Variants in FZD3 observed in about 807,000 individuals in gnomAD.
FZD3 encodes the protein frizzled class receptor 3.
Under a neutral mutation model 60.7 loss-of-function variants are expected in FZD3, and 30 were observed. The observed-to-expected ratio is 0.49, with a 90% confidence interval of 0.37 to 0.67. FZD3 has a LOEUF of 0.67. Ranked by LOEUF, FZD3 falls within the 30% of genes least tolerant of loss-of-function variation. The probability of loss-of-function intolerance (pLI) is 0.00; values close to 1 mark genes in which losing one functional copy is unlikely to be tolerated. For missense variants in FZD3, 605 were observed against 838.7 expected (o/e 0.72, Z 3.44); for synonymous variants, 246 against 275.2 (o/e 0.89, Z 1.05).
intron 3 of FZD3, among the ~76,000 whole-genome samples, chr8:28,504,126 G>A (rs1031187551): frequency 2.0e-5 from 3 of 152,070 alleles, no homozygotes; most frequent in African/African-American, 4.8e-5. Flanking sequence ...TAATAAAACC[G>A]AAAAGTTCAT....
rs1462961089 is a variant in FZD3 at position 28,571,714 on chromosome 8, T to A, written c.*8703T>A. ...CTCATTGAAGTGTAAAAGTATCACA[T>A]ATATGAAGGAATGGCTGGTTTAGAC... On this transcript the variant is annotated 3_prime_UTR_variant, in exon 8 of 8. Transcript: ENST00000240093. 2.6e-5 allele frequency: 4 copies of A among 152,310 alleles called. No homozygotes were observed. Among genetic ancestry groups the A allele is most frequent in the South Asian group, 4.1e-4 (2 of 4,826 alleles). The allele number at this position is 152,310 out of a possible 1,614,324, so 9.4% of individuals were successfully genotyped here. A position where few individuals can be genotyped will look rare whatever the true frequency, so the allele number is the denominator to read the frequency against.
chr8:28,567,791 G>T lies in FZD3; in HGVS notation c.*4780G>T, dbSNP rs560066710. The T allele has an allele frequency of 6.6e-6, 1 of 152,132 alleles. No homozygotes were observed. Among genetic ancestry groups the T allele is most frequent in the East Asian group, 1.9e-4 (1 of 5,200 alleles). The allele number at this position is 152,132 out of a possible 1,614,324, so 9.4% of individuals were successfully genotyped here. A position where few individuals can be genotyped will look rare whatever the true frequency, so the allele number is the denominator to read the frequency against. On this transcript the variant is annotated 3_prime_UTR_variant, in exon 8 of 8. Transcript: ENST00000240093. ...TTTAATATGTGTTATACCAGAGTATGCCTCAAATTTTATGTAGTTGAATTT... is the reference window on the plus strand; with the variant it reads ...TTTAATATGTGTTATACCAGAGTATTCCTCAAATTTTATGTAGTTGAATTT...
intron 7 of FZD3, among the ~76,000 whole-genome samples, chr8:28,559,077 C>T (rs1305569424): frequency 1.3e-5 from 2 of 152,070 alleles, no homozygotes; most frequent in Admixed American, 6.6e-5. Context: ...AAAGGAGATA[C>T]GTAGGGTGAA....
intron 3 of FZD3, among the ~76,000 whole-genome samples, chr8:28,503,907 C>A (rs1197701450): frequency 1.3e-5 from 2 of 152,106 alleles, no homozygotes; most frequent in African/African-American, 4.8e-5. Context: ...TTAGAGACTT[C>A]AGTAAGGTAC....
intron 3 of FZD3, among the ~76,000 whole-genome samples, chr8:28,513,939 G>A (rs76117188): frequency 3.0e-3 from 463 of 152,292 alleles, no homozygotes; most frequent in African/African-American, 0.011. Flanking sequence ...TCAGCTAGCA[G>A]GTTCCTATGG....
chr8:28,561,671 T>C (rs1416040949), intron 7 of FZD3, among the ~76,000 whole-genome samples: 4 of 152,058 alleles, frequency 2.6e-5, no homozygotes, highest in Non-Finnish European at 5.9e-5. Flanking sequence ...AAGTTATAAA[T>C]TATACTAAGT....
intron 5 of FZD3, among the ~76,000 whole-genome samples, chr8:28,551,084 CTAGATAGA>C (rs755601425): frequency 6.6e-6 from 1 of 151,810 alleles, no homozygotes; most frequent in Non-Finnish European, 1.5e-5. Flanking sequence ...TATCATCTAT[CTAGATAGA>C]TAGATAGATA....
intron 3 of FZD3, among the ~76,000 whole-genome samples, chr8:28,510,047 C>T (rs539609708): frequency 6.6e-6 from 1 of 152,226 alleles, no homozygotes; most frequent in South Asian, 2.1e-4. Context: ...ACATTTCCAC[C>T]AGTAATACAC....
intron 2 of FZD3, among the ~76,000 whole-genome samples, chr8:28,501,147 A>T (rs1803982973): frequency 6.6e-6 from 1 of 152,200 alleles, no homozygotes; most frequent in South Asian, 2.1e-4. Flanking sequence ...GAAATTTCTG[A>T]TGTAGAACAT....
intron 1 of FZD3, among the ~76,000 whole-genome samples, chr8:28,495,733 A>C (rs1803826512): frequency 6.6e-6 from 1 of 152,218 alleles, no homozygotes; most frequent in Admixed American, 6.5e-5. Flanking sequence ...AAGATAAAAA[A>C]AATTCAGAGT....
chr8:28,528,484 G>T (rs7017787), intron 5 of FZD3, among the ~76,000 whole-genome samples: 80,706 of 151,518 alleles, frequency 0.53, 22,000 homozygotes, highest in South Asian at 0.63. Flanking sequence ...ATAAAAATTT[G>T]CTTTTTATGG....
intron 3 of FZD3, 115 bp from the exon 4 acceptor site, chr8:28,520,523 T>A (rs1334659264): frequency 1.5e-6 from 1 of 654,450 alleles, no homozygotes; most frequent in African/African-American, 1.8e-5. Context: ...CTTCAGAAAA[T>A]TTTAATAACC....
Position 28,572,144 on chromosome 8 carries a change from A to T in FZD3, c.*9133A>T, listed in dbSNP as rs1215872006. The stretch of plus-strand genomic sequence containing the variant: ...ATGTGGATCGCTCCTCCTGTAGATC[A>T]GCTGTTCTCTCTTAGAGTCAGGACA... On this transcript the variant is annotated 3_prime_UTR_variant, in exon 8 of 8. Transcript: ENST00000240093. 3 of 152,032 alleles carry T rather than the reference A, an allele frequency of 2.0e-5. No homozygotes were observed. The highest frequency in any genetic ancestry group is 1.3e-4 in the Admixed American group (2 of 15,268). 9.4% of individuals were successfully genotyped at this position (152,032 alleles called of 1,614,324 possible).
chr8:28,548,853 T>A (rs1295612434), intron 5 of FZD3, among the ~76,000 whole-genome samples: 1 of 152,226 alleles, frequency 6.6e-6, no homozygotes, highest in Non-Finnish European at 1.5e-5. Flanking sequence ...TATTTCTAAC[T>A]AAGAACATGT....
chr8:28,547,993 C>T (rs998202309), intron 5 of FZD3, among the ~76,000 whole-genome samples: 1 of 151,960 alleles, frequency 6.6e-6, no homozygotes, highest in East Asian at 1.9e-4. Flanking sequence ...GCTGGGACTA[C>T]AGGCGCCCAC....
At chr8:28,523,358 G>A (rs2130360541) in intron 4 of FZD3, among the ~76,000 whole-genome samples, 1 of 152,270 alleles carries the variant, frequency 6.6e-6, no homozygotes, top group South Asian at 2.1e-4. Flanking sequence ...TGGCAGGATA[G>A]CAAGAGGGGC....
rs1326101598 is a variant in FZD3, at chr8:28,551,489, C to G, written c.1405-114C>G. The G allele has an allele frequency of 1.0e-5, 8 of 778,596 alleles. No homozygotes were observed. In the East Asian group the frequency reaches 1.4e-4, roughly 14 times the overall value. 48.2% of individuals were successfully genotyped at this position (778,596 alleles called of 1,614,324 possible). ...CAAGATCACACCATTGCACTCCAGC[C>G]TGGGTGACAAGAACAAAACTCTGTC... is the stretch of plus-strand genomic sequence containing the variant. On this transcript the variant is annotated intron_variant, in intron 5 of 7. Transcript: ENST00000240093.
chr8:28,494,601 G>C (rs1434374366), intron 1 of FZD3, among the ~76,000 whole-genome samples: 3 of 152,010 alleles, frequency 2.0e-5, no homozygotes, highest in African/African-American at 7.2e-5. Context: ...CCTCGGGGAC[G>C]CCTAGTTTGA....
At chr8:28,561,833 C>T (rs1287141100) in intron 7 of FZD3, among the ~76,000 whole-genome samples, 1 of 152,106 alleles carries the variant, frequency 6.6e-6, no homozygotes, top group African/African-American at 2.4e-5. Context: ...AAAGAGCACG[C>T]TATAAAGCCA....
Sources: gnomAD v4.1 joint callset for allele counts (sites outside exome capture counted in the v4.1 genomes callset) on GRCh38, gnomAD v4.1.1 for gene constraint, MANE v1.5 for transcripts, NCBI Gene and HGNC (gene_info 2026-07-23, HGNC 2026-07-21) for gene names.